TMEM165: variants seen among roughly 807,000 people sequenced by gnomAD.
TMEM165 encodes transmembrane protein 165.
TMEM165 carries 19 observed loss-of-function variants against 30.0 expected under a neutral mutation model. The ratio of observed to expected loss-of-function variants is 0.63; its 90% CI spans 0.44 to 0.93. The LOEUF is 0.93. TMEM165 is among the 40% of genes least tolerant of loss of function. The probability of loss-of-function intolerance (pLI) is 0.00; values close to 1 mark genes in which losing one functional copy is unlikely to be tolerated. For missense variants in TMEM165, 340 were observed against 417.0 expected, an observed-to-expected ratio of 0.82 and a Z score of 1.61; for synonymous variants, 168 against 162.9, an observed-to-expected ratio of 1.03 and a Z score of -0.24.
At chr4:55,441,048 C>T (rs1466100973) in intron 3 of TMEM165, among the ~76,000 whole-genome samples, 2 of 152,182 alleles carry the variant, frequency 1.3e-5, no homozygotes, top group Non-Finnish European at 2.9e-5. Context: ...ATTCATCACC[C>T]CAAACAATAC....
At chr4:55,413,192 C>G (rs1043169231) in intron 2 of TMEM165, among the ~76,000 whole-genome samples, 1 of 151,992 alleles carries the variant, frequency 6.6e-6, no homozygotes. Flanking sequence ...GTTGCCCAGG[C>G]TGATCTTGAA....
At chr4:55,402,604 C>CGT (rs1721069291) in intron 1 of TMEM165, among the ~76,000 whole-genome samples, 1 of 143,350 alleles carries the variant, frequency 7.0e-6, no homozygotes, top group Non-Finnish European at 1.5e-5. Flanking sequence ...CATGCCACCA[C>CGT]GCCCAGCTGA....
At chr4:55,422,616 A>C (rs1242449707) in intron 4 of TMEM165, among the ~76,000 whole-genome samples, 2 of 151,670 alleles carry the variant, frequency 1.3e-5, no homozygotes, top group East Asian at 3.9e-4. Context: ...TAGTTCATCA[A>C]TTGTGGGAGA....
At chr4:55,449,790 A>AAG (rs1724255521) in intron 3 of TMEM165, among the ~76,000 whole-genome samples, 1 of 150,088 alleles carries the variant, frequency 6.7e-6, no homozygotes, top group African/African-American at 2.4e-5. Flanking sequence ...AAGCAAACCT[A>AAG]AGAACACTTA....
chr4:55,443,943 G>C lies in TMEM165; in HGVS notation c.409-8296G>C, dbSNP rs775897165. 11 of 1,548,522 alleles carry C rather than the reference G, an allele frequency of 7.1e-6. No individual in the cohort carries two copies. In the South Asian group the frequency reaches 1.3e-4, roughly 18 times the overall value. Reference sequence around the variant, plus strand: ...TAAAATGAGCTTTGTAGATTGAAAAGAAGAATGAGCATTAAAAAGAAGGCA... The same window carrying C: ...TAAAATGAGCTTTGTAGATTGAAAACAAGAATGAGCATTAAAAAGAAGGCA... On this transcript the variant is annotated intron_variant, in intron 3 of 3. Transcript: ENST00000608091.
In TMEM165 at chr4:55,420,120, TACA is replaced by T. The variant is rs1560396480; in HGVS notation, c.792+2136_792+2138del. ...TAAGAAAAAAAAATATATATATATATACATATATATTTATTTATTTATTTATTT... is the reference window on the plus strand; with the variant it reads ...TAAGAAAAAAAAATATATATATATATTATATATTTATTTATTTATTTATTT... On this transcript the variant is annotated intron_variant, in intron 4 of 5. Transcript: ENST00000381334. Among the ~76,000 whole-genome samples, 356 of 56,784 alleles carry T rather than the reference TACA, an allele frequency of 6.3e-3. 10 individuals are homozygous for T. The highest frequency in any genetic ancestry group is 0.018 in the African/African-American group (346 of 19,478). 37.3% of individuals were successfully genotyped at this position (56,784 alleles called of 152,430 possible).
At chr4:55,434,848 A>G (rs762898745) in intron 3 of TMEM165, 3 of 158,394 alleles carry the variant, frequency 1.9e-5, no homozygotes, top group Non-Finnish European at 4.2e-5. Flanking sequence ...TTTTATCTAG[A>G]CATATACATA....
At chr4:55,415,165 T>C (rs996988767) in intron 2 of TMEM165, 5 of 152,370 alleles carry the variant, frequency 3.3e-5, no homozygotes, top group African/African-American at 1.2e-4. Context: ...ACTTCTTGCA[T>C]ATTCACCAGT....
chr4:55,440,142 G>A lies in TMEM165; in HGVS notation c.409-12097G>A, dbSNP rs539591906. ...GGCACACAGTTCATGAATAAACAAAGCTATTATAATGTATTTTTTAAACTC... is the reference window on the plus strand; with the variant it reads ...GGCACACAGTTCATGAATAAACAAAACTATTATAATGTATTTTTTAAACTC... On this transcript the variant is annotated intron_variant, in intron 3 of 3. Transcript: ENST00000608091. 1.6e-4 allele frequency among the ~76,000 whole-genome samples: 24 copies of A among 152,130 alleles called. No homozygotes were observed. The South Asian group carries it at 5.0e-3, about 32-fold the overall frequency.
chr4:55,436,307 G>C (rs1717426479), intron 3 of TMEM165, among the ~76,000 whole-genome samples: 1 of 152,158 alleles, frequency 6.6e-6, no homozygotes, highest in Non-Finnish European at 1.5e-5. Flanking sequence ...AAAGGCACAG[G>C]ATTTGCAGAC....
intron 3 of TMEM165, among the ~76,000 whole-genome samples, chr4:55,440,641 T>G (rs1723294709): frequency 6.6e-6 from 1 of 152,188 alleles, no homozygotes; most frequent in South Asian, 2.1e-4. Context: ...AAGAAATAAG[T>G]AATATTTACA....
chr4:55,440,018 A>T (rs150818362), intron 3 of TMEM165, among the ~76,000 whole-genome samples: 10 of 152,118 alleles, frequency 6.6e-5, no homozygotes, highest in African/African-American at 1.2e-4. Context: ...CACAATAAAA[A>T]TTTTTTTTAA....
intron 4 of TMEM165, 47 bp downstream of exon 4, chr4:55,418,032 T>C (rs747838630): frequency 7.2e-6 from 11 of 1,525,640 alleles, no homozygotes; most frequent in Non-Finnish European, 9.7e-6. Context: ...ACGTAATTAT[T>C]ATTACTTTGT....
At chr4:55,444,533 C>T (rs1368265557) in intron 3 of TMEM165, 15 of 1,375,450 alleles carry the variant, frequency 1.1e-5, no homozygotes, top group African/African-American at 4.3e-5. Flanking sequence ...ATTGATAAAA[C>T]GTATCTCTTG....
At chr4:55,427,073 G>A (rs541054729), downstream of TMEM165, among the ~76,000 whole-genome samples, 126 of 145,728 alleles carry the variant, frequency 8.6e-4, no homozygotes, top group Admixed American at 4.2e-3. Context: ...TCACTCTGTC[G>A]CCCAGGCTGG....
At chr4:55,443,927 C>A in intron 3 of TMEM165, 2 of 1,586,330 alleles carry the variant, frequency 1.3e-6, no homozygotes, top group East Asian at 2.2e-5. Flanking sequence ...TTAAAATGAG[C>A]TTTGTAGATT....
intron 3 of TMEM165, chr4:55,442,572 G>C: frequency 6.2e-7 from 1 of 1,612,238 alleles, no homozygotes. Context: ...CTGTAAGAGT[G>C]CTCTGTGTCT....
rs977080972 is a variant in TMEM165 at position 55,396,164 on chromosome 4, C to A, written c.-26C>A. On this transcript the variant is annotated 5_prime_UTR_variant, in exon 1 of 6. Coordinates refer to ENST00000381334, the MANE Select transcript of TMEM165 (RefSeq NM_018475.5). ...CGCCGGCACTTCCTCTTGCGGCGCC[C>A]GTGCGCGGCCGGCCCGGCAGGCGGG... 7.4e-7 allele frequency: 1 copy of A among 1,342,852 alleles called. No homozygotes were observed. Among genetic ancestry groups the A allele is most frequent in the Non-Finnish European group, 9.4e-7 (1 of 1,059,800 alleles). The allele number at this position is 1,342,852 out of a possible 1,614,324, so 83.2% of individuals were successfully genotyped here.
rs1327871997 is a variant in TMEM165 at position 55,400,195 on chromosome 4, A to G, written c.207+3799A>G. Among the ~76,000 whole-genome samples the G allele has an allele frequency of 6.4e-5, 6 of 94,180 alleles. No homozygotes were observed. The Admixed American group carries it at 8.0e-4, about 13-fold the overall frequency. 61.8% of individuals were successfully genotyped at this position (94,180 alleles called of 152,430 possible). ...TAATATATATAAAAAATAATATATA[A>G]ATATATAATTTATATTTATATTATA... On this transcript the variant is annotated intron_variant, in intron 1 of 5. Transcript: ENST00000381334.
Sources: gnomAD v4.1 joint callset for allele counts (sites outside exome capture counted in the v4.1 genomes callset) on GRCh38, gnomAD v4.1.1 for gene constraint, MANE v1.5 for transcripts, NCBI Gene and HGNC (gene_info 2026-07-23, HGNC 2026-07-21) for gene names.